COL1A2: variants seen among roughly 807,000 people sequenced by gnomAD.
The protein encoded by COL1A2 is collagen alpha-2(I) chain.
Under a neutral mutation model 174.3 loss-of-function variants are expected in COL1A2, and 49 were observed. That is an observed-to-expected ratio of 0.28 (90% confidence interval 0.22 to 0.36). The LOEUF is 0.36. Among genes scored for constraint, COL1A2 ranks in the 10% least tolerant of loss-of-function variants. The pLI is 1.00. For synonymous variants in COL1A2, 655 were observed against 606.6 expected (o/e 1.08, Z -1.17); for missense variants, 1,438 against 1,822.7 (o/e 0.79, Z 3.84).
chr7:94,427,299 AG>A lies in COL1A2; in HGVS notation c.3267+5del. ...TCAGGGTCACCAAGGCCCTGCTGTAAGTATGATTTGGGGAAATAATAAAGAA... is the reference window on the plus strand; with the variant it reads ...TCAGGGTCACCAAGGCCCTGCTGTAATATGATTTGGGGAAATAATAAAGAA... On this transcript the variant is annotated splice_donor_5th_base_variant and intron_variant, in intron 48 of 51. Coordinates refer to ENST00000297268, the MANE Select transcript of COL1A2 (RefSeq NM_000089.4). 1 of 1,606,450 alleles carries A rather than the reference AG, an allele frequency of 6.2e-7. No individual in the cohort carries two copies. Among genetic ancestry groups the A allele is most frequent in the African/African-American group, 1.3e-5 (1 of 74,834 alleles).
At chr7:94,418,600 T>G (rs1562904475) in intron 33 of COL1A2, 48 bp downstream of exon 33, 2 of 1,526,386 alleles carry the variant, frequency 1.3e-6, no homozygotes, top group East Asian at 5.0e-5. Flanking sequence ...GATTTTTTTT[T>G]TATGTTTGAA....
chr7:94,406,397 T>C (rs1294850784), intron 12 of COL1A2, 94 bp downstream of exon 12: 7 of 1,119,112 alleles, frequency 6.3e-6, no homozygotes, highest in Non-Finnish European at 8.1e-6. Flanking sequence ...CTACCCATAT[T>C]ACAAAAAGTA....
rs1032467360 is a variant in COL1A2, at chr7:94,408,910, A to T, written c.792+87A>T. On this transcript the variant is annotated intron_variant, in intron 16 of 51. Coordinates refer to ENST00000297268, the MANE Select transcript of COL1A2 (RefSeq NM_000089.4). ...TGGAACTGTGTTTGCAGATAAAGAGATAATTACGAAACAGTTACCTTAATT... is the reference window on the plus strand; with the variant it reads ...TGGAACTGTGTTTGCAGATAAAGAGTTAATTACGAAACAGTTACCTTAATT... The T allele has an allele frequency of 1.0e-5, 13 of 1,269,528 alleles. No homozygotes were observed. The Middle Eastern group carries it at 5.5e-4, about 53-fold the overall frequency. The allele number at this position is 1,269,528 out of a possible 1,614,324, so 78.6% of individuals were successfully genotyped here. A position where few individuals can be genotyped will look rare whatever the true frequency, so the allele number is the denominator to read the frequency against.
rs1791771143 is a variant in COL1A2 at position 94,405,216 on chromosome 7, C to T, written c.450C>T (p.Pro150=). ...ATGTTTAGGGTCACCCTGGAAAACC[C>T]GGACGACCTGGTGAGAGAGGAGTTG... is the stretch of plus-strand genomic sequence containing the variant. ...KAGEDGHPGK[P]GRPGERGVVG... The change falls in exon 10 of 52, where the codon CCC becomes CCT. Residue 150 remains proline, a synonymous_variant. Coordinates refer to ENST00000297268, the MANE Select transcript of COL1A2 (RefSeq NM_000089.4). 1.2e-6 allele frequency: 2 copies of T among 1,613,778 alleles called. No homozygotes were observed. The highest frequency in any genetic ancestry group is 1.7e-6 in the Non-Finnish European group (2 of 1,179,884).
chr7:94,408,492 C>A, intron 15 of COL1A2, 112 bp downstream of exon 15: 1 of 1,317,228 alleles, frequency 7.6e-7, no homozygotes, highest in South Asian at 1.2e-5. Flanking sequence ...ACCAAATGTT[C>A]TGTGAGGTCT....
At position 94,426,485 on chromosome 7, in the gene COL1A2, T is replaced by G; in HGVS notation, c.3060T>G (p.Pro1020=). ...GTGAAAAGGGGCCCAGAGGTCTTCC[T>G]GGCTTAAAGGGACACAATGGATTGC... ...EPGEKGPRGL[P]GLKGHNGLQG... The change falls in exon 46 of 52, where the codon CCT becomes CCG. Residue 1020 remains proline, a synonymous_variant. Transcript: ENST00000297268. 6.2e-7 allele frequency: 1 copy of G among 1,607,654 alleles called. No homozygotes were observed. The highest frequency in any genetic ancestry group is 8.5e-7 in the Non-Finnish European group (1 of 1,177,474).
At position 94,416,464 on chromosome 7, in the gene COL1A2, C is replaced by T; in HGVS notation, c.1824C>T (p.Ser608=). ...GAAGPTGPIG[S]RGPSGPPGPD... The stretch of plus-strand genomic sequence containing the variant: ...CCGGTCCTACTGGTCCTATTGGAAG[C>T]CGAGGTCCTTCTGGACCCCCAGGGC... Residue 608 remains serine (S), a synonymous_variant, in exon 31 of 52, where the codon AGC becomes AGT. Coordinates refer to ENST00000297268, the MANE Select transcript of COL1A2 (RefSeq NM_000089.4). 2 of 1,585,636 alleles carry T rather than the reference C, an allele frequency of 1.3e-6. No homozygotes were observed. Among genetic ancestry groups the T allele is most frequent in the South Asian group, 1.2e-5 (1 of 86,460 alleles).
In COL1A2 at chr7:94,398,385, A is replaced by C; in HGVS notation, c.85A>C (p.Thr29Pro). Reference sequence around the variant, plus strand: ...TCTTTGATTTATTCTTTTCTAGGAAACTGTAAGAAAGGTAAGAGTACACTA... The same window carrying C: ...TCTTTGATTTATTCTTTTCTAGGAACCTGTAAGAAAGGTAAGAGTACACTA... The part of the protein sequence containing the change: ...LATCQSLQEE[T>P]VRKGPAGDRG... Residue 29 changes from threonine (T) to proline (P), a missense_variant, in exon 3 of 52, where the codon ACT becomes CCT. By Grantham distance (38) the Thr-to-Pro change is conservative (BLOSUM62 -1). Coordinates refer to ENST00000297268, the MANE Select transcript of COL1A2 (RefSeq NM_000089.4). 1.1e-6 allele frequency: 1 copy of C among 940,560 alleles called. No individual in the cohort carries two copies. Among genetic ancestry groups the C allele is most frequent in the South Asian group, 1.7e-5 (1 of 59,814 alleles). 58.3% of individuals were successfully genotyped at this position (940,560 alleles called of 1,614,324 possible).
At chr7:94,417,327 A>G (rs1268534967) in intron 31 of COL1A2, 1 of 287,156 alleles carries the variant, frequency 3.5e-6, no homozygotes, top group Non-Finnish European at 6.8e-6. Context: ...AGATTAAAAC[A>G]CAAACATCTC....
In COL1A2 at chr7:94,410,489, G is replaced by C. The variant is rs972825197; in HGVS notation, c.1159G>C (p.Ala387Pro). ...AGGAAAGAGAGGCCCTAATGGGGAA[G>C]CTGGATCTGCCGGCCCTCCAGGACC... The part of the protein sequence containing the change: ...EEGKRGPNGE[A>P]GSAGPPGPPG... The change falls in exon 21 of 52, where the codon GCT becomes CCT. Residue 387 changes from alanine to proline, a missense_variant. By Grantham distance (27) the Ala-to-Pro change is conservative. Coordinates refer to ENST00000297268, the MANE Select transcript of COL1A2 (RefSeq NM_000089.4). 43 of 1,549,986 alleles carry C rather than the reference G, an allele frequency of 2.8e-5. No homozygotes were observed. Among genetic ancestry groups the C allele is most frequent in the Non-Finnish European group, 3.6e-5 (41 of 1,147,032 alleles).
intron 50 of COL1A2, 90 bp from the exon 51 acceptor site, chr7:94,429,098 C>CTTTTTTTTTTTTTT: frequency 1.1e-6 from 1 of 926,700 alleles, no homozygotes; most frequent in Admixed American, 2.5e-5. Context: ...TTCCTGAGAT[C>CTTTTTTTTTTTTTT]TTTTTTTTTC....
intron 23 of COL1A2, among the ~76,000 whole-genome samples, chr7:94,411,521 AG>A (rs1410402773): frequency 1.3e-5 from 2 of 152,186 alleles, no homozygotes; most frequent in Non-Finnish European, 2.9e-5. Flanking sequence ...TAGATTCATA[AG>A]TGAAGTCTTT....
At position 94,405,335 on chromosome 7, in the gene COL1A2, A is replaced by C; in HGVS notation, c.486+83A>C. The C allele has an allele frequency of 2.3e-6, 3 of 1,318,950 alleles. No individual in the cohort carries two copies. In the South Asian group the frequency reaches 3.7e-5, roughly 16 times the overall value. 81.7% of individuals were successfully genotyped at this position (1,318,950 alleles called of 1,614,324 possible). A position where few individuals can be genotyped will look rare whatever the true frequency, so the allele number is the denominator to read the frequency against. On this transcript the variant is annotated intron_variant, in intron 10 of 51. Transcript: ENST00000297268. ...TAAAACTAGCATCAATCTAAATGAC[A>C]ACATAGATGTCACCCAAACTCATAA...
rs41317720 is a variant in COL1A2 at position 94,420,110 on chromosome 7, C to T, written c.2080-123C>T. 2.5e-3 allele frequency: 3,109 copies of T among 1,230,884 alleles called. 51 individuals are homozygous for T. In the African/African-American group the frequency reaches 0.038, roughly 15 times the overall value. The allele number at this position is 1,230,884 out of a possible 1,614,324, so 76.2% of individuals were successfully genotyped here. Reference sequence around the variant, plus strand: ...ACTTCATTTTACTCTGTGAGATGTGCGTCAGTTATCTCTTCCAAGGCAACT... The same window carrying T: ...ACTTCATTTTACTCTGTGAGATGTGTGTCAGTTATCTCTTCCAAGGCAACT... On this transcript the variant is annotated intron_variant, in intron 34 of 51. Transcript: ENST00000297268.
intron 10 of COL1A2, 82 bp downstream of exon 10, chr7:94,405,334 C>T (rs1379690880): frequency 7.5e-7 from 1 of 1,330,006 alleles, no homozygotes; most frequent in South Asian, 1.2e-5. Flanking sequence ...ATCTAAATGA[C>T]AACATAGATG....
At chr7:94,422,827 C>A in intron 39 of COL1A2, 130 bp from the exon 40 acceptor site, 1 of 1,117,344 alleles carries the variant, frequency 8.9e-7, no homozygotes, top group Non-Finnish European at 1.3e-6. Flanking sequence ...ATAAATATTT[C>A]CCCCAAATGG....
rs548310290 is a variant in COL1A2, at chr7:94,413,226, A to G, written c.1557+90A>G. 1.6e-5 allele frequency: 21 copies of G among 1,335,186 alleles called. 1 individual carries two copies. In the South Asian group the frequency reaches 2.5e-4, roughly 16 times the overall value. The allele number at this position is 1,335,186 out of a possible 1,614,324, so 82.7% of individuals were successfully genotyped here. On this transcript the variant is annotated intron_variant, in intron 26 of 51. Coordinates refer to ENST00000297268, the MANE Select transcript of COL1A2 (RefSeq NM_000089.4). Reference sequence around the variant, plus strand: ...TTACACCATCTGATATCATTTTGTCACTTTCTTTTCAAGATGGCATCCCCA... The same window carrying G: ...TTACACCATCTGATATCATTTTGTCGCTTTCTTTTCAAGATGGCATCCCCA...
intron 51 of COL1A2, 111 bp from the exon 52 acceptor site, chr7:94,430,136 T>A (rs1792368279): frequency 9.2e-7 from 1 of 1,081,174 alleles, no homozygotes; most frequent in East Asian, 2.5e-5. Flanking sequence ...GGGACAGACA[T>A]CTTCAGAATG....
At chr7:94,429,981 A>C in intron 51 of COL1A2, 26 of 497,468 alleles carry the variant, frequency 5.2e-5, no homozygotes, top group East Asian at 1.1e-4. Context: ...ATGACTTTGT[A>C]GAGATAGGTC....
Sources: allele counts gnomAD v4.1 joint callset (sites outside exome capture counted in the v4.1 genomes callset), GRCh38; gene constraint gnomAD v4.1.1; transcripts MANE v1.5; gene names NCBI Gene and HGNC (gene_info 2026-07-23, HGNC 2026-07-21).